The following INCENP variants were observed in gnomAD, a reference collection of about 807,000 sequenced individuals.
INCENP encodes the protein inner centromere protein, also known as binds and activates aurora-B and -C in vivo and in vitro.
INCENP carries 43 observed loss-of-function variants against 107.3 expected under a neutral mutation model. That is an observed-to-expected ratio of 0.40 (90% CI 0.31 to 0.52). The LOEUF (loss-of-function observed/expected upper bound fraction) is 0.52. INCENP is among the 20% of genes least tolerant of loss of function. INCENP has a pLI of 0.53. For missense variants in INCENP, 1,089 were observed against 1,250.9 expected, an observed-to-expected ratio of 0.87 and a Z score of 1.95; for synonymous variants, 488 against 494.4, an observed-to-expected ratio of 0.99 and a Z score of 0.17.
intron 4 of INCENP, 136 bp from the exon 5 acceptor site, chr11:62,137,696 G>C: frequency 1.3e-6 from 1 of 767,118 alleles, no homozygotes; most frequent in South Asian, 1.5e-5. Flanking sequence ...GGAGGGTCCT[G>C]GGCATGGTGG....
Position 62,152,903 on chromosome 11 carries a change from A to C in INCENP, c.*927A>C, listed in dbSNP as rs1053955357. Reference sequence around the variant, plus strand: ...CTGCCTACTGCTGCCTTCTGAATGCATATATCTGCTACTGTAGCCCCGGGT... The same window carrying C: ...CTGCCTACTGCTGCCTTCTGAATGCCTATATCTGCTACTGTAGCCCCGGGT... On this transcript the variant is annotated 3_prime_UTR_variant, in exon 19 of 19. Transcript: ENST00000394818. The C allele has an allele frequency of 6.6e-6, 1 of 152,354 alleles. No individual in the cohort carries two copies. Among genetic ancestry groups the C allele is most frequent in the East Asian group, 1.9e-4 (1 of 5,184 alleles). The allele number at this position is 152,354 out of a possible 1,614,324, so 9.4% of individuals were successfully genotyped here.
At position 62,151,990 on chromosome 11, in the gene INCENP, C is replaced by A. The variant is rs1219468172; in HGVS notation, c.*14C>A. ...AAGAAGCACTGAGGCTGGCCTGCGG[C>A]CTTCTTGGCAGCCTCGCCTCCTGTC... On this transcript the variant is annotated 3_prime_UTR_variant, in exon 19 of 19. Transcript: ENST00000394818. The A allele has an allele frequency of 1.9e-6, 3 of 1,595,700 alleles. No individual in the cohort carries two copies. The highest frequency in any genetic ancestry group is 2.2e-5 in the East Asian group (1 of 44,786).
Position 62,148,778 on chromosome 11 carries a change from G to A in INCENP, c.2323G>A (p.Glu775Lys). 2 of 1,605,248 alleles carry A rather than the reference G, an allele frequency of 1.2e-6. No individual in the cohort carries two copies. The highest frequency in any genetic ancestry group is 1.7e-6 in the Non-Finnish European group (2 of 1,176,500). The change falls in exon 17 of 19, where the codon GAG becomes AAG. Residue 775 changes from glutamate to lysine, a missense_variant. Physicochemically the swap from Glu to Lys is moderately conservative, Grantham distance 56. Coordinates refer to ENST00000394818, the MANE Select transcript of INCENP (RefSeq NM_001040694.2). Reference sequence around the variant, plus strand: ...TCTGGCTGAGCGGCAGCTGCAGGAGGAGCAAGAGAAGAAAGCCAAGGAGGC... The same window carrying A: ...TCTGGCTGAGCGGCAGCTGCAGGAGAAGCAAGAGAAGAAAGCCAAGGAGGC... ...QRLAERQLQEEQEKKAKEAAG... is the reference protein window; with the variant it reads ...QRLAERQLQEKQEKKAKEAAG...
intron 4 of INCENP, among the ~76,000 whole-genome samples, chr11:62,136,499 G>A (rs1353450149): frequency 1.3e-5 from 2 of 152,078 alleles, no homozygotes; most frequent in East Asian, 3.9e-4. Flanking sequence ...GGCCAACATA[G>A]CGAAACCCTA....
rs778347675 is a variant in INCENP, at chr11:62,144,994, C to G, written c.1618C>G (p.Gln540Glu). Residue 540 changes from glutamine (Q) to glutamate (E), a missense_variant, in exon 12 of 19, where the codon CAG becomes GAG. Gln to Glu is a conservative substitution (Grantham distance 29, BLOSUM62 2). Transcript: ENST00000394818. ...PKCSFVEKER[Q>E]RLENLRRKEE... ...CCCGCCACCCCAGGAGAAGGAGCGG[C>G]AGCGCCTGGAGAATCTGCGGCGGAA... The G allele has an allele frequency of 1.2e-6, 2 of 1,600,064 alleles. No homozygotes were observed. The highest frequency in any genetic ancestry group is 1.7e-6 in the Non-Finnish European group (2 of 1,175,196).
chr11:62,138,658 G>T (rs778281886), intron 5 of INCENP, 55 bp from the exon 6 acceptor site: 16 of 1,555,462 alleles, frequency 1.0e-5, no homozygotes, highest in East Asian at 2.2e-5. Flanking sequence ...GACTCCCTAG[G>T]GGGAGGGCTT....
intron 7 of INCENP, among the ~76,000 whole-genome samples, chr11:62,139,842 T>C (rs2134649455): frequency 6.6e-6 from 1 of 152,294 alleles, no homozygotes; most frequent in South Asian, 2.1e-4. Context: ...CGTCTGGGGC[T>C]GCCGCCTCGA....
In INCENP at chr11:62,128,829, AG is replaced by A; in HGVS notation, c.201del (p.Lys68ArgfsTer29). The part of the protein sequence containing the change: ...PKTPSQKNRR[K>X]KRRISYVQDE... ...ACACCTTCTCAGAAGAACCGACGGAAGAAGAGACGGATTTCTTATGTTCAGG... is the reference window on the plus strand; with the variant it reads ...ACACCTTCTCAGAAGAACCGACGGAAAAGAGACGGATTTCTTATGTTCAGG... On this transcript the variant is annotated frameshift_variant, in exon 3 of 19. Transcript: ENST00000394818. 6.2e-7 allele frequency: 1 copy of A among 1,614,176 alleles called. No homozygotes were observed. Among genetic ancestry groups the A allele is most frequent in the South Asian group, 1.1e-5 (1 of 91,082 alleles).
chr11:62,127,310 G>A (rs191161841), intron 1 of INCENP, among the ~76,000 whole-genome samples: 104 of 152,184 alleles, frequency 6.8e-4, no homozygotes, highest in South Asian at 3.1e-3. Context: ...CTGGGATTAC[G>A]GGTGTGAACC....
intron 3 of INCENP, among the ~76,000 whole-genome samples, chr11:62,129,327 G>T (rs1943828555): frequency 6.6e-6 from 1 of 152,138 alleles, no homozygotes; most frequent in Non-Finnish European, 1.5e-5. Context: ...GGTTAGGCTT[G>T]GGTGTGAACC....
At chr11:62,138,061 C>T in intron 5 of INCENP, 178 bp downstream of exon 5, 3 of 637,930 alleles carry the variant, frequency 4.7e-6, no homozygotes, top group Admixed American at 2.4e-5. Flanking sequence ...GTGTTGGCCA[C>T]CTGGTCTCCT....
intron 5 of INCENP, 105 bp downstream of exon 5, chr11:62,137,988 T>C: frequency 1.8e-6 from 2 of 1,084,278 alleles, no homozygotes; most frequent in Non-Finnish European, 1.4e-6. Context: ...TCTTCCCCAC[T>C]GAGCCTTGAC....
intron 8 of INCENP, 96 bp from the exon 9 acceptor site, chr11:62,140,608 G>A: frequency 9.5e-7 from 1 of 1,053,754 alleles, no homozygotes. Flanking sequence ...GAGGCCTGTG[G>A]CCTGGGCCCG....
rs543383860 is a variant in INCENP, at chr11:62,131,693, C to T, written c.1063+1103C>T. Among the ~76,000 whole-genome samples, 17 of 152,166 alleles carry T rather than the reference C, an allele frequency of 1.1e-4. No individual in the cohort carries two copies. The South Asian group carries it at 3.3e-3, about 30-fold the overall frequency. On this transcript the variant is annotated intron_variant, in intron 4 of 18. Transcript: ENST00000394818. ...CTTGATGATGGGAAAGTGAGGGAAA[C>T]AGGGAGACCAGATAGGAGGCTGCTG... is the stretch of plus-strand genomic sequence containing the variant.
chr11:62,137,453 A>G (rs943749226), intron 4 of INCENP, among the ~76,000 whole-genome samples: 5 of 152,176 alleles, frequency 3.3e-5, no homozygotes, highest in African/African-American at 9.7e-5. Context: ...GTCCCAGTAC[A>G]CTGTAGACAC....
At position 62,136,294 on chromosome 11, in the gene INCENP, A is replaced by G. The variant is rs564497568; in HGVS notation, c.1064-1538A>G. Among the ~76,000 whole-genome samples, 231 of 152,360 alleles carry G rather than the reference A, an allele frequency of 1.5e-3. 1 individual carries two copies. The highest frequency in any genetic ancestry group is 0.01 in the Middle Eastern group (3 of 294). ...CAGCTTAGAGACGAGCGCTTTTCACAGAGAGTTGGGTTTGCAGCAACAGGC... is the reference window on the plus strand; with the variant it reads ...CAGCTTAGAGACGAGCGCTTTTCACGGAGAGTTGGGTTTGCAGCAACAGGC... On this transcript the variant is annotated intron_variant, in intron 4 of 18. Coordinates refer to ENST00000394818, the MANE Select transcript of INCENP (RefSeq NM_001040694.2).
intron 1 of INCENP, among the ~76,000 whole-genome samples, chr11:62,124,402 C>G (rs1002709202): frequency 5.6e-5 from 8 of 144,084 alleles, no homozygotes; most frequent in East Asian, 1.9e-4. Context: ...GCCCCGTTCC[C>G]TCCGCTCCCG....
intron 5 of INCENP, 65 bp downstream of exon 5, chr11:62,137,948 A>T: frequency 7.0e-7 from 1 of 1,426,492 alleles, no homozygotes; most frequent in Non-Finnish European, 9.9e-7. Context: ...CAAGGTGAGC[A>T]CCAGGGCTGG....
chr11:62,141,753 T>C, intron 11 of INCENP: 1 of 602,376 alleles, frequency 1.7e-6, no homozygotes, highest in Non-Finnish European at 3.0e-6. Flanking sequence ...AGCAAGGGGG[T>C]GTGGCTTTTC....
Sources: gnomAD v4.1 joint callset for allele counts (sites outside exome capture counted in the v4.1 genomes callset) on GRCh38, gnomAD v4.1.1 for gene constraint, MANE v1.5 for transcripts, NCBI Gene and HGNC (gene_info 2026-07-23, HGNC 2026-07-21) for gene names.